The following PTPRG variants were observed in gnomAD, a reference collection of about 807,000 sequenced individuals.
PTPRG encodes protein tyrosine phosphatase receptor type G.
PTPRG carries 102 observed loss-of-function variants against 165.3 expected under a neutral mutation model. The observed-to-expected ratio is 0.62, with a 90% CI of 0.53 to 0.73. The LOEUF is 0.73. PTPRG is among the 30% of genes least tolerant of loss of function. The pLI, the probability that PTPRG is intolerant of heterozygous loss-of-function variation, is 0.00. For missense variants in PTPRG, 1,866 were observed against 1,861.4 expected, an observed-to-expected ratio of 1.00 and a Z score of -0.05; for synonymous variants, 675 against 669.5, an observed-to-expected ratio of 1.01 and a Z score of -0.13.
chr3:61,865,309 T>C (rs1173216218), intron 2 of PTPRG, among the ~76,000 whole-genome samples: 1 of 152,204 alleles, frequency 6.6e-6, no homozygotes, highest in Non-Finnish European at 1.5e-5. Context: ...AGCTACCAGT[T>C]AGAGAGCTAC....
chr3:61,624,214 G>C (rs1021747982), intron 1 of PTPRG, among the ~76,000 whole-genome samples: 42 of 152,060 alleles, frequency 2.8e-4, no homozygotes, highest in African/African-American at 9.7e-4. Context: ...TAATAGCTGC[G>C]AACCGGAGCA....
intron 1 of PTPRG, among the ~76,000 whole-genome samples, chr3:61,633,271 G>GT (rs1701817563): frequency 6.6e-6 from 1 of 152,092 alleles, no homozygotes; most frequent in Admixed American, 6.6e-5. Flanking sequence ...GTTCACTACT[G>GT]TTTCCCCCAG....
At chr3:61,606,754 A>G (rs940847977) in intron 1 of PTPRG, among the ~76,000 whole-genome samples, 1 of 152,182 alleles carries the variant, frequency 6.6e-6, no homozygotes, top group African/African-American at 2.4e-5. Context: ...GCTTTCCTGG[A>G]GGCGCTGTGG....
chr3:61,732,316 G>T (rs890110174), intron 1 of PTPRG, among the ~76,000 whole-genome samples: 1 of 152,142 alleles, frequency 6.6e-6, no homozygotes, highest in African/African-American at 2.4e-5. Flanking sequence ...AGTGGCTCAT[G>T]CCTGTAATCC....
At chr3:61,895,053 C>T (rs1246908714) in intron 2 of PTPRG, among the ~76,000 whole-genome samples, 1 of 152,114 alleles carries the variant, frequency 6.6e-6, no homozygotes, top group African/African-American at 2.4e-5. Flanking sequence ...AGATGGACGT[C>T]GTTAAACATC....
At chr3:62,000,842 A>T (rs1040838126) in intron 3 of PTPRG, among the ~76,000 whole-genome samples, 1 of 152,178 alleles carries the variant, frequency 6.6e-6, no homozygotes, top group African/African-American at 2.4e-5. Flanking sequence ...ACCACTGAAT[A>T]TGTGTTTGCT....
chr3:61,926,345 G>A (rs1427841089), intron 2 of PTPRG, among the ~76,000 whole-genome samples: 2 of 151,926 alleles, frequency 1.3e-5, no homozygotes, highest in Non-Finnish European at 2.9e-5. Flanking sequence ...TTGTGACAGT[G>A]AGATCCAGTT....
At chr3:61,643,711 C>A (rs193093095) in intron 1 of PTPRG, among the ~76,000 whole-genome samples, 12 of 151,896 alleles carry the variant, frequency 7.9e-5, no homozygotes, top group South Asian at 2.1e-4. Flanking sequence ...TGCAGGTGAG[C>A]TGAAATTGCA....
At chr3:62,285,739 G>GC (rs201243561) in intron 28 of PTPRG, among the ~76,000 whole-genome samples, 4,011 of 152,166 alleles carry the variant, frequency 0.026, 189 homozygotes, top group African/African-American at 0.092. Context: ...TTTAAAAACA[G>GC]CTGGGTTCCC....
chr3:61,610,933 A>G (rs1461231471), intron 1 of PTPRG, among the ~76,000 whole-genome samples: 1 of 151,992 alleles, frequency 6.6e-6, no homozygotes, highest in South Asian at 2.1e-4. Context: ...CAGCCTCCCA[A>G]GTAGCTGTCA....
intron 2 of PTPRG, among the ~76,000 whole-genome samples, chr3:61,872,015 A>C (rs964185547): frequency 4.6e-5 from 7 of 152,242 alleles, no homozygotes; most frequent in Non-Finnish European, 7.3e-5. Flanking sequence ...TAACCAGTGC[A>C]GCAGTGCTTC....
intron 2 of PTPRG, among the ~76,000 whole-genome samples, chr3:61,817,198 A>G (rs1163668299): frequency 3.8e-5 from 5 of 133,160 alleles, no homozygotes; most frequent in Non-Finnish European, 7.8e-5. Context: ...AATAATATAT[A>G]TAATAATATA....
Position 62,252,644 on chromosome 3 carries a change from A to G in PTPRG, c.2468-2480A>G, listed in dbSNP as rs1488042665. ...TGTCCTAATTGCTTGGCCTTCTGCTAGTTACATTGATTTTATAATCATCTG... is the reference window on the plus strand; with the variant it reads ...TGTCCTAATTGCTTGGCCTTCTGCTGGTTACATTGATTTTATAATCATCTG... On this transcript the variant is annotated intron_variant, in intron 15 of 29. Coordinates refer to ENST00000474889, the MANE Select transcript of PTPRG (RefSeq NM_002841.4). The surrounding 1 kb of genome is among the most constrained non-coding windows in gnomAD (Gnocchi z 4.6). 6.6e-6 allele frequency among the ~76,000 whole-genome samples: 1 copy of G among 152,172 alleles called. No individual in the cohort carries two copies. Among genetic ancestry groups the G allele is most frequent in the Non-Finnish European group, 1.5e-5 (1 of 68,032 alleles).
At chr3:61,965,266 A>G (rs1486066705) in intron 2 of PTPRG, among the ~76,000 whole-genome samples, 2 of 149,974 alleles carry the variant, frequency 1.3e-5, no homozygotes, top group Non-Finnish European at 3.0e-5. Context: ...AAAATCCAGA[A>G]TGACTACAGT....
rs530301532 is a variant in PTPRG, at chr3:62,245,719, A to G, written c.2467+1821A>G. Among the ~76,000 whole-genome samples the G allele has an allele frequency of 2.3e-4, 35 of 152,238 alleles. 2 individuals are homozygous for G. The South Asian group carries it at 7.0e-3, about 31-fold the overall frequency. On this transcript the variant is annotated intron_variant, in intron 15 of 29. Coordinates refer to ENST00000474889, the MANE Select transcript of PTPRG (RefSeq NM_002841.4). This position sits in a 1 kb window ranked among gnomAD's most constrained non-coding sequence, Gnocchi z 4.2. ...TGTAAAAGCACTTTGGAAACCATAC[A>G]TTAAGCGAAACGTGTAAGCTGTTGC...
intron 2 of PTPRG, among the ~76,000 whole-genome samples, chr3:61,921,112 TCCATC>T (rs1475163562): frequency 7.5e-6 from 1 of 132,754 alleles, no homozygotes; most frequent in Non-Finnish European, 1.5e-5. Context: ...TCTCCTTCCA[TCCATC>T]TCCTTCCTTC....
At chr3:62,113,360 C>G (rs1702738473) in intron 5 of PTPRG, among the ~76,000 whole-genome samples, 1 of 152,062 alleles carries the variant, frequency 6.6e-6, no homozygotes, top group African/African-American at 2.4e-5. Flanking sequence ...GTTCCTGCCA[C>G]TCACCCTACC....
At chr3:61,843,828 A>G (rs1251320765) in intron 2 of PTPRG, among the ~76,000 whole-genome samples, 2 of 152,044 alleles carry the variant, frequency 1.3e-5, no homozygotes, top group Non-Finnish European at 2.9e-5. Flanking sequence ...TTTCTTTAAA[A>G]AAAAAAACAA....
intron 1 of PTPRG, chr3:61,743,062 T>TC (rs2033059735): frequency 6.3e-7 from 1 of 1,592,198 alleles, no homozygotes; most frequent in Non-Finnish European, 8.6e-7. Flanking sequence ...GTGCAGGACT[T>TC]CCCGCACCGC....
Sources: gnomAD v4.1 joint callset for allele counts (sites outside exome capture counted in the v4.1 genomes callset) on GRCh38, gnomAD v4.1.1 for gene constraint, Gnocchi (gnomAD v3.1) non-coding constraint, MANE v1.5 for transcripts, NCBI Gene and HGNC (gene_info 2026-07-23, HGNC 2026-07-21) for gene names.